The following ZNF727 variants were observed in gnomAD, a reference collection of about 807,000 sequenced individuals.
The protein encoded by ZNF727 is putative zinc finger protein 727.
A neutral mutation model predicts 11.5 loss-of-function variants in ZNF727; 11 were observed. The observed-to-expected ratio is 0.95, with a 90% confidence interval of 0.60 to 1.58. The LOEUF is 1.58. ZNF727 is among the 40% of genes most tolerant of loss of function. The probability of loss-of-function intolerance (pLI) is 0.00; values close to 1 mark genes in which losing one functional copy is unlikely to be tolerated. For synonymous variants in ZNF727, 171 were observed against 196.1 expected (o/e 0.87, Z 1.07); for missense variants, 533 against 581.7 (o/e 0.92, Z 0.86).
intron 1 of ZNF727, among the ~76,000 whole-genome samples, chr7:64,052,570 C>T (rs1044404134): frequency 1.3e-5 from 2 of 152,036 alleles, no homozygotes; most frequent in Non-Finnish European, 2.9e-5. Context: ...TCAGAGCCCC[C>T]ACACAAAGTC....
At chr7:64,045,736 TC>T (rs764695308) in intron 1 of ZNF727, 112 bp downstream of exon 1, 246 of 1,397,218 alleles carry the variant, frequency 1.8e-4, no homozygotes, top group Non-Finnish European at 2.2e-4. Context: ...CAGCTCCGAG[TC>T]CCCGTGGGCA....
intron 1 of ZNF727, among the ~76,000 whole-genome samples, chr7:64,049,697 G>A (rs1218579703): frequency 2.6e-5 from 4 of 151,388 alleles, no homozygotes; most frequent in African/African-American, 9.7e-5. Flanking sequence ...TTGTTTCTGT[G>A]AAGAAACCAA....
At chr7:64,062,799 C>G (rs1789793956) in intron 1 of ZNF727, among the ~76,000 whole-genome samples, 1 of 148,268 alleles carries the variant, frequency 6.7e-6, no homozygotes, top group African/African-American at 2.5e-5. Flanking sequence ...CCTCTTGAGG[C>G]TATTTTTTTT....
intron 1 of ZNF727, among the ~76,000 whole-genome samples, chr7:64,050,075 AT>A (rs1562789553): frequency 6.6e-6 from 1 of 151,816 alleles, no homozygotes; most frequent in Non-Finnish European, 1.5e-5. Context: ...ATTTTTCTAT[AT>A]ATATATATTT....
intron 1 of ZNF727, among the ~76,000 whole-genome samples, chr7:64,063,565 C>G (rs981729175): frequency 6.6e-6 from 1 of 151,940 alleles, no homozygotes; most frequent in Non-Finnish European, 1.5e-5. Context: ...TAGGACTACA[C>G]TAAGTCAGAC....
chr7:64,055,054 C>T (rs1251049010), intron 1 of ZNF727, among the ~76,000 whole-genome samples: 1 of 151,836 alleles, frequency 6.6e-6, no homozygotes, highest in East Asian at 1.9e-4. Context: ...CACTGGTTTT[C>T]TATATGAAAA....
chr7:64,057,415 A>G (rs1789702150), intron 1 of ZNF727, among the ~76,000 whole-genome samples: 1 of 152,190 alleles, frequency 6.6e-6, no homozygotes, highest in African/African-American at 2.4e-5. Flanking sequence ...AAGGACATGG[A>G]TGGAGCTGGA....
In ZNF727 at chr7:64,077,702, A is replaced by ATTAT; in HGVS notation, c.654_655insTATT (p.Asn219TyrfsTer2). On this transcript the variant is annotated frameshift_variant, in exon 4 of 4. Transcript: ENST00000456806. LOFTEE classifies it low-confidence loss of function (END_TRUNC). ...AAAAAGTTCTCAAACCTTACTGAAC[A>ATTAT]TAATAGAGTTCATACTGGAAAGAAA... 6.3e-7 allele frequency: 1 copy of ATTAT among 1,575,550 alleles called. No homozygotes were observed. The highest frequency in any genetic ancestry group is 1.2e-5 in the South Asian group (1 of 86,416).
rs1317331164 is a variant in ZNF727 at position 64,077,622 on chromosome 7, G to GAGAATTCAT, written c.575_583dup (p.Arg192_His194dup). ...GGTTGTCAGATTTTACCATACAGAA[G>GAGAATTCAT]AGAATTCATACTGCAGATAGAAGTT... is the stretch of plus-strand genomic sequence containing the variant. On this transcript the variant is annotated inframe_insertion, in exon 4 of 4. Coordinates refer to ENST00000456806, the MANE Select transcript of ZNF727 (RefSeq NM_001159522.3). 6.4e-7 allele frequency: 1 copy of GAGAATTCAT among 1,551,876 alleles called. No individual in the cohort carries two copies. Among genetic ancestry groups the GAGAATTCAT allele is most frequent in the Non-Finnish European group, 8.7e-7 (1 of 1,147,218 alleles).
In ZNF727 at chr7:64,079,498, G is replaced by A. The variant is rs554727495; in HGVS notation, c.*949G>A. 6.6e-6 allele frequency among the ~76,000 whole-genome samples: 1 copy of A among 152,216 alleles called. No homozygotes were observed. The highest frequency in any genetic ancestry group is 1.9e-4 in the East Asian group (1 of 5,180). The stretch of plus-strand genomic sequence containing the variant: ...TTAAAGTCTGTTTTGTCAGAAACTA[G>A]GATTGTAATCCTTGCTTTTTTACTG... On this transcript the variant is annotated 3_prime_UTR_variant, in exon 4 of 4. Transcript: ENST00000456806.
At position 64,080,344 on chromosome 7, in the gene ZNF727, A is replaced by G. The variant is rs553686097; in HGVS notation, c.*1795A>G. ...CTGTTATTTCTTGGAGGTTTTGTTC[A>G]TTCCTCTTTATACTTTTTTCACTAT... is the stretch of plus-strand genomic sequence containing the variant. On this transcript the variant is annotated 3_prime_UTR_variant, in exon 4 of 4. Transcript: ENST00000456806. Among the ~76,000 whole-genome samples, 13 of 152,092 alleles carry G rather than the reference A, an allele frequency of 8.5e-5. No homozygotes were observed. The East Asian group carries it at 2.5e-3, about 30-fold the overall frequency.
chr7:64,055,898 A>T (rs1789678080), intron 1 of ZNF727, among the ~76,000 whole-genome samples: 1 of 152,154 alleles, frequency 6.6e-6, no homozygotes, highest in African/African-American at 2.4e-5. Context: ...GGATCATATA[A>T]TTCTATGTTC....
chr7:64,045,446 A>G lies in ZNF727; in HGVS notation c.-176A>G. On this transcript the variant is annotated 5_prime_UTR_variant, in exon 1 of 4. It adds an upstream start codon to the 5' untranslated region. Transcript: ENST00000456806. ...GAGAGGAAGAGGCGGGCTCTTCAAT[A>G]TGGCAAGGCCTTCGTCTCCTAGCTT... 1 of 884,370 alleles carries G rather than the reference A, an allele frequency of 1.1e-6. No homozygotes were observed. The highest frequency in any genetic ancestry group is 1.8e-6 in the Non-Finnish European group (1 of 546,438). The allele number at this position is 884,370 out of a possible 1,614,324, so 54.8% of individuals were successfully genotyped here.
chr7:64,066,170 A>C (rs200792615), intron 1 of ZNF727, among the ~76,000 whole-genome samples: 93,953 of 151,628 alleles, frequency 0.62, 29,789 homozygotes, highest in Non-Finnish European at 0.68. Context: ...AACAAATTGA[A>C]AAAAAAATTC....
At chr7:64,062,150 G>T (rs1387094613) in intron 1 of ZNF727, among the ~76,000 whole-genome samples, 1 of 152,056 alleles carries the variant, frequency 6.6e-6, no homozygotes, top group South Asian at 2.1e-4. Context: ...GGTAGAGAAA[G>T]AGTTATTTTT....
intron 1 of ZNF727, among the ~76,000 whole-genome samples, chr7:64,065,402 G>C (rs1789847099): frequency 6.6e-6 from 1 of 152,128 alleles, no homozygotes; most frequent in Non-Finnish European, 1.5e-5. Flanking sequence ...TTATTTAGGA[G>C]TTTACTGGTT....
chr7:64,076,956 TTGGGAGTCTA>T (rs1304001667), intron 3 of ZNF727, among the ~76,000 whole-genome samples: 2 of 152,140 alleles, frequency 1.3e-5, no homozygotes, highest in Non-Finnish European at 2.9e-5. Flanking sequence ...AAGACAGGAA[TTGGGAGTCTA>T]TATTTAAAGT....
At chr7:64,059,091 C>T (rs1274272524) in intron 1 of ZNF727, among the ~76,000 whole-genome samples, 3 of 152,048 alleles carry the variant, frequency 2.0e-5, no homozygotes, top group Non-Finnish European at 4.4e-5. Flanking sequence ...ATTACATGTG[C>T]ATGCCACCAC....
chr7:64,085,081 C>G lies in ZNF727; in HGVS notation c.*6532C>G, dbSNP rs1785852858. Among the ~76,000 whole-genome samples the G allele has an allele frequency of 6.6e-6, 1 of 151,966 alleles. No homozygotes were observed. Among genetic ancestry groups the G allele is most frequent in the Admixed American group, 6.5e-5 (1 of 15,268 alleles). On this transcript the variant is annotated 3_prime_UTR_variant, in exon 4 of 4. Coordinates refer to ENST00000456806, the MANE Select transcript of ZNF727 (RefSeq NM_001159522.3). Reference sequence around the variant, plus strand: ...CACCATAGGCATAATATATCATTTTCTTGTCATCTAATTTCAGAAAACATT... The same window carrying G: ...CACCATAGGCATAATATATCATTTTGTTGTCATCTAATTTCAGAAAACATT...
Sources: allele counts gnomAD v4.1 joint callset (sites outside exome capture counted in the v4.1 genomes callset), GRCh38; gene constraint gnomAD v4.1.1; transcripts MANE v1.5; gene names NCBI Gene and HGNC (gene_info 2026-07-23, HGNC 2026-07-21).